TMEM50B: variants seen among roughly 807,000 people sequenced by gnomAD.
TMEM50B encodes transmembrane protein 50B, also known as HCV p7-trans-regulated protein 3.
Under a neutral mutation model 23.4 loss-of-function variants are expected in TMEM50B, and 14 were observed. The observed-to-expected ratio is 0.60, with a 90% CI of 0.39 to 0.93. The LOEUF is 0.93. Ranked by LOEUF, TMEM50B falls within the 40% of genes least tolerant of loss-of-function variation. The probability of loss-of-function intolerance (pLI) is 0.00; values close to 1 mark genes in which losing one functional copy is unlikely to be tolerated. For synonymous variants in TMEM50B, 64 were observed against 62.3 expected (o/e 1.03, Z -0.13); for missense variants, 159 against 193.0 (o/e 0.82, Z 1.04).
intron 8 of TMEM50B, among the ~76,000 whole-genome samples, chr21:33,433,711 G>A (rs2083913707): frequency 6.6e-6 from 1 of 152,150 alleles, no homozygotes; most frequent in African/African-American, 2.4e-5. Flanking sequence ...ATGTGAATGT[G>A]CTTGGCACTA....
At chr21:33,455,945 A>C (rs1233518329) in intron 5 of TMEM50B, 161 bp from the exon 6 acceptor site, 1 of 701,534 alleles carries the variant, frequency 1.4e-6, no homozygotes, top group Non-Finnish European at 2.6e-6. Flanking sequence ...GAAAATGCCA[A>C]TTTAATTCCC....
chr21:33,478,457 ACT>A (rs1038270651), intron 1 of TMEM50B, among the ~76,000 whole-genome samples: 2 of 151,966 alleles, frequency 1.3e-5, no homozygotes, highest in Non-Finnish European at 2.9e-5. Flanking sequence ...AACGAGGGAG[ACT>A]CTGTCTCAAA....
chr21:33,442,648 C>T (rs1186261935), intron 7 of TMEM50B, among the ~76,000 whole-genome samples: 2 of 152,186 alleles, frequency 1.3e-5, no homozygotes, highest in African/African-American at 2.4e-5. Context: ...TGGCCAGGCG[C>T]GCTGGCTCAT....
intron 4 of TMEM50B, among the ~76,000 whole-genome samples, chr21:33,463,487 T>C (rs1195260380): frequency 2.6e-5 from 4 of 152,078 alleles, no homozygotes; most frequent in Non-Finnish European, 4.4e-5. Flanking sequence ...GGAAGAGTAT[T>C]AACTATAAAA....
At chr21:33,465,271 A>G (rs1395077244) in intron 4 of TMEM50B, 71 bp downstream of exon 4, 1 of 1,153,672 alleles carries the variant, frequency 8.7e-7, no homozygotes, top group Non-Finnish European at 1.3e-6. Flanking sequence ...AAAGACTCAC[A>G]AGAGAGGCTT....
At chr21:33,453,350 A>G (rs2123421011) in intron 6 of TMEM50B, among the ~76,000 whole-genome samples, 1 of 152,164 alleles carries the variant, frequency 6.6e-6, no homozygotes, top group Admixed American at 6.6e-5. Flanking sequence ...TTGGCCTCCC[A>G]AAGTGTTGAG....
rs1209046206 is a variant in TMEM50B, at chr21:33,450,659, G to C, written c.*159C>G. On this transcript the variant is annotated 3_prime_UTR_variant, in exon 7 of 7. Transcript: ENST00000542230. ...AACAGTCTATGCAATGAAAAATAAAGAAATTTCATAAAACTATTTCAAAAC... is the reference window on the plus strand; with the variant it reads ...AACAGTCTATGCAATGAAAAATAAACAAATTTCATAAAACTATTTCAAAAC... The C allele has an allele frequency of 6.9e-6, 4 of 580,790 alleles. No homozygotes were observed. The highest frequency in any genetic ancestry group is 9.1e-6 in the Non-Finnish European group (3 of 328,092). 36.0% of individuals were successfully genotyped at this position (580,790 alleles called of 1,614,324 possible). A position where few individuals can be genotyped will look rare whatever the true frequency, so the allele number is the denominator to read the frequency against.
intron 1 of TMEM50B, among the ~76,000 whole-genome samples, chr21:33,475,924 G>C (rs535803850): frequency 6.7e-6 from 1 of 149,166 alleles, no homozygotes; most frequent in African/African-American, 2.5e-5. Context: ...ACTGCACTCC[G>C]GCCTGGGCAG....
At position 33,440,358 on chromosome 21, in the gene TMEM50B, T is replaced by A. The variant is rs540775959; in HGVS notation, c.*2037-1061A>T. The stretch of plus-strand genomic sequence containing the variant: ...ATCCCAGCACTTTGGGAGGCTGAGG[T>A]GGGCGGATCATTTGAGGCCAGGAGT... On this transcript the variant is annotated intron_variant and NMD_transcript_variant, in intron 7 of 8. Coordinates refer to the TMEM50B transcript ENST00000420455. 1.8e-4 allele frequency among the ~76,000 whole-genome samples: 27 copies of A among 151,786 alleles called. No individual in the cohort carries two copies. In the East Asian group the frequency reaches 2.7e-3, roughly 15 times the overall value.
intron 4 of TMEM50B, among the ~76,000 whole-genome samples, chr21:33,462,899 A>C (rs990029673): frequency 6.6e-6 from 1 of 152,234 alleles, no homozygotes; most frequent in Non-Finnish European, 1.5e-5. Flanking sequence ...TGTGCACTTT[A>C]AACTTAGGCT....
intron 7 of TMEM50B, among the ~76,000 whole-genome samples, chr21:33,443,727 C>T (rs1601105857): frequency 6.6e-6 from 1 of 152,122 alleles, no homozygotes; most frequent in African/African-American, 2.4e-5. Flanking sequence ...ACTTTGGCAT[C>T]GTATCGCAGT....
chr21:33,446,242 T>TTA (rs1405018059), downstream of TMEM50B, among the ~76,000 whole-genome samples: 11 of 115,876 alleles, frequency 9.5e-5, no homozygotes, highest in African/African-American at 3.2e-4. Context: ...TATTTTTTAT[T>TTA]TTTTATTTTT....
intron 1 of TMEM50B, among the ~76,000 whole-genome samples, chr21:33,473,867 G>A (rs1005541019): frequency 1.3e-5 from 2 of 152,132 alleles, no homozygotes; most frequent in Non-Finnish European, 2.9e-5. Context: ...AAAGGAAAGA[G>A]GTTCCTACTG....
rs755703450 is a variant in TMEM50B at position 33,455,795 on chromosome 21, A to G, written c.374-11T>C. 1 of 1,609,336 alleles carries G rather than the reference A, an allele frequency of 6.2e-7. No homozygotes were observed. Among genetic ancestry groups the G allele is most frequent in the East Asian group, 2.2e-5 (1 of 44,816 alleles). On this transcript the variant is annotated splice_polypyrimidine_tract_variant and intron_variant, in intron 5 of 6. Transcript: ENST00000542230. ...GATAAACATCAGTATCTACATACACAAAGTAAAACAGATTAGACGGTTATA... is the reference window on the plus strand; with the variant it reads ...GATAAACATCAGTATCTACATACACGAAGTAAAACAGATTAGACGGTTATA...
At chr21:33,471,958 G>T (rs1193351340) in intron 1 of TMEM50B, among the ~76,000 whole-genome samples, 1 of 150,440 alleles carries the variant, frequency 6.6e-6, no homozygotes, top group Non-Finnish European at 1.5e-5. Flanking sequence ...CGAGAACCCG[G>T]GAGGTAGAGC....
chr21:33,432,870 A>T, intron 8 of TMEM50B: 2 of 1,606,516 alleles, frequency 1.2e-6, no homozygotes, highest in Non-Finnish European at 1.7e-6. Flanking sequence ...CAGATAGAAG[A>T]GGTACGTGTG....
At chr21:33,453,430 T>A (rs2123421197) in intron 6 of TMEM50B, among the ~76,000 whole-genome samples, 2 of 151,796 alleles carry the variant, frequency 1.3e-5, no homozygotes, top group East Asian at 1.9e-4. Flanking sequence ...CTATCCAAAC[T>A]GAAACACAAA....
chr21:33,460,748 G>T (rs1170021717), intron 4 of TMEM50B, among the ~76,000 whole-genome samples: 1 of 151,410 alleles, frequency 6.6e-6, no homozygotes, highest in African/African-American at 2.4e-5. Context: ...CTAGAGAAAC[G>T]AATGCCCTAA....
intron 6 of TMEM50B, among the ~76,000 whole-genome samples, chr21:33,455,010 G>A (rs934386990): frequency 3.9e-5 from 6 of 152,190 alleles, no homozygotes; most frequent in Admixed American, 6.5e-5. Context: ...CCACCTACTC[G>A]GGAGGCTGAG....
Sources: gnomAD v4.1 joint callset for allele counts (sites outside exome capture counted in the v4.1 genomes callset) on GRCh38, gnomAD v4.1.1 for gene constraint, MANE v1.5 for transcripts, NCBI Gene and HGNC (gene_info 2026-07-23, HGNC 2026-07-21) for gene names.